The following THSD7A variants were observed in gnomAD, a reference collection of about 807,000 sequenced individuals.
THSD7A encodes thrombospondin type 1 domain containing 7A, also known as thrombospondin type-1 domain-containing protein 7A.
A neutral mutation model predicts 231.3 loss-of-function variants in THSD7A; 96 were observed. The ratio of observed to expected loss-of-function variants is 0.41; its 90% CI spans 0.35 to 0.49. The LOEUF (loss-of-function observed/expected upper bound fraction) is 0.49. Among genes scored for constraint, THSD7A ranks in the 20% least tolerant of loss-of-function variants. The probability of loss-of-function intolerance (pLI) is 0.05; values close to 1 mark genes in which losing one functional copy is unlikely to be tolerated. For synonymous variants in THSD7A, 940 were observed against 743.3 expected, an observed-to-expected ratio of 1.26 and a Z score of -4.30; for missense variants, 2,290 against 2,070.2, an observed-to-expected ratio of 1.11 and a Z score of -2.06.
intron 23 of THSD7A, among the ~76,000 whole-genome samples, chr7:11,399,417 A>G (rs993233566): frequency 6.6e-6 from 1 of 151,546 alleles, no homozygotes; most frequent in African/African-American, 2.4e-5. Context: ...GAGCTGGTCT[A>G]TTTTGTCAGT....
At chr7:11,742,427 T>C (rs192253739) in intron 1 of THSD7A, among the ~76,000 whole-genome samples, 139 of 152,000 alleles carry the variant, frequency 9.1e-4, no homozygotes, top group African/African-American at 3.1e-3. Flanking sequence ...AACTTGACAA[T>C]AAAGTGATTT....
At chr7:11,554,037 A>G (rs1789740402) in intron 4 of THSD7A, among the ~76,000 whole-genome samples, 1 of 152,050 alleles carries the variant, frequency 6.6e-6, no homozygotes, top group South Asian at 2.1e-4. Context: ...GCTTCTACAT[A>G]TACTTTATCC....
At chr7:11,586,077 C>T (rs985988750) in intron 4 of THSD7A, among the ~76,000 whole-genome samples, 1 of 152,078 alleles carries the variant, frequency 6.6e-6, no homozygotes, top group East Asian at 1.9e-4. Flanking sequence ...GGGTTCTAGT[C>T]CTTTTTCATT....
intron 11 of THSD7A, among the ~76,000 whole-genome samples, chr7:11,447,768 C>G (rs1441959079): frequency 6.6e-6 from 1 of 152,032 alleles, no homozygotes; most frequent in Admixed American, 6.6e-5. Context: ...ACAAACCATA[C>G]GTGGGTTCTG....
At chr7:11,610,678 G>A (rs1447473767) in intron 2 of THSD7A, among the ~76,000 whole-genome samples, 1 of 151,974 alleles carries the variant, frequency 6.6e-6, no homozygotes, top group African/African-American at 2.4e-5. Context: ...ATTCTCAAAG[G>A]CTTCAAAGGC....
At chr7:11,667,869 C>G (rs939059372) in intron 1 of THSD7A, among the ~76,000 whole-genome samples, 2 of 151,994 alleles carry the variant, frequency 1.3e-5, no homozygotes, top group African/African-American at 4.8e-5. Flanking sequence ...AAAAAGTTCT[C>G]AAGCCATGAA....
intron 24 of THSD7A, 108 bp downstream of exon 24, chr7:11,382,413 G>A: frequency 1.1e-6 from 1 of 894,658 alleles, no homozygotes; most frequent in Non-Finnish European, 1.8e-6. Flanking sequence ...TCCCAAACAG[G>A]CTTTGAATAC....
At chr7:11,603,308 C>A (rs913321331) in intron 2 of THSD7A, among the ~76,000 whole-genome samples, 16 of 150,864 alleles carry the variant, frequency 1.1e-4, no homozygotes, top group South Asian at 2.1e-4. Flanking sequence ...CAGAGAAATG[C>A]AAATCAAAAC....
At chr7:11,433,654 G>A (rs1360230440) in intron 13 of THSD7A, among the ~76,000 whole-genome samples, 3 of 151,958 alleles carry the variant, frequency 2.0e-5, no homozygotes, top group Non-Finnish European at 4.4e-5. Flanking sequence ...TCTCTCAAAA[G>A]TAAACCTCTA....
chr7:11,749,756 G>T (rs1277651474), intron 1 of THSD7A, among the ~76,000 whole-genome samples: 1 of 151,948 alleles, frequency 6.6e-6, no homozygotes, highest in Non-Finnish European at 1.5e-5. Context: ...GAATTATATT[G>T]CCAATCACAA....
At chr7:11,811,628 C>CGTT in intron 1 of THSD7A, among the ~76,000 whole-genome samples, 1 of 152,120 alleles carries the variant, frequency 6.6e-6, no homozygotes, top group African/African-American at 2.4e-5. Flanking sequence ...GTTTCCAAAG[C>CGTT]CTATTTACTG....
intron 4 of THSD7A, among the ~76,000 whole-genome samples, chr7:11,560,523 G>A (rs1341761063): frequency 1.3e-5 from 2 of 152,118 alleles, no homozygotes; most frequent in African/African-American, 4.8e-5. Flanking sequence ...ATATAAATGA[G>A]TTCTGCTTCT....
chr7:11,393,673 G>A (rs1343620019), intron 23 of THSD7A, among the ~76,000 whole-genome samples: 3 of 152,206 alleles, frequency 2.0e-5, no homozygotes, highest in Non-Finnish European at 4.4e-5. Context: ...CAGCATAAAT[G>A]ACCTGATGGA....
chr7:11,388,832 C>T (rs1310147219), intron 23 of THSD7A, among the ~76,000 whole-genome samples: 4 of 151,634 alleles, frequency 2.6e-5, no homozygotes, highest in Non-Finnish European at 5.9e-5. Flanking sequence ...TACTTTGAGT[C>T]TGTGTTCTCA....
chr7:11,443,363 A>G (rs1784863851), intron 13 of THSD7A, among the ~76,000 whole-genome samples: 1 of 152,030 alleles, frequency 6.6e-6, no homozygotes, highest in African/African-American at 2.4e-5. Flanking sequence ...GAGAATTTAT[A>G]TTTTTCTTGG....
At chr7:11,568,992 A>AC (rs1167603302) in intron 4 of THSD7A, among the ~76,000 whole-genome samples, 4 of 150,620 alleles carry the variant, frequency 2.7e-5, no homozygotes, top group Non-Finnish European at 5.9e-5. Context: ...GCTACAAAAA[A>AC]AAAAACAAAC....
chr7:11,561,054 G>T (rs908591560), intron 4 of THSD7A, among the ~76,000 whole-genome samples: 2 of 152,060 alleles, frequency 1.3e-5, no homozygotes, highest in Non-Finnish European at 1.5e-5. Flanking sequence ...GTATGAAGTT[G>T]CCCTCAATTA....
intron 8 of THSD7A, among the ~76,000 whole-genome samples, chr7:11,472,802 G>A (rs961736353): frequency 6.6e-6 from 1 of 152,106 alleles, no homozygotes; most frequent in Non-Finnish European, 1.5e-5. Context: ...ATTAACCGTG[G>A]GACAGGAACA....
At chr7:11,524,739 C>G (rs371750363) in intron 6 of THSD7A, among the ~76,000 whole-genome samples, 3 of 152,122 alleles carry the variant, frequency 2.0e-5, no homozygotes, top group African/African-American at 4.8e-5. Context: ...CATTCTGCAT[C>G]AAAAGAATTT....
Sources: allele counts gnomAD v4.1 joint callset (sites outside exome capture counted in the v4.1 genomes callset), GRCh38; gene constraint gnomAD v4.1.1; transcripts MANE v1.5; gene names NCBI Gene and HGNC (gene_info 2026-07-23, HGNC 2026-07-21).